The following TXNL4A variants were observed in gnomAD, a reference collection of about 807,000 sequenced individuals.
TXNL4A encodes the protein thioredoxin like 4A, also known as thioredoxin-like protein 4A.
TXNL4A carries 17 observed loss-of-function variants against 14.6 expected under a neutral mutation model. The observed-to-expected ratio is 1.16, with a 90% CI of 0.80 to 1.74. The LOEUF is 1.74. Ranked by LOEUF, TXNL4A falls within the 40% of genes most tolerant of loss-of-function variation. The pLI is 0.00. For missense variants in TXNL4A, 74 were observed against 195.2 expected (o/e 0.38, Z 3.70); for synonymous variants, 83 against 70.6 (o/e 1.18, Z -0.88).
chr18:80,015,175 T>C (rs2051798749), intron 1 of TXNL4A, among the ~76,000 whole-genome samples: 1 of 148,330 alleles, frequency 6.7e-6, no homozygotes, highest in Admixed American at 6.7e-5. Flanking sequence ...GGAGACATTT[T>C]CCCCATTGTC....
intron 1 of TXNL4A, among the ~76,000 whole-genome samples, chr18:80,021,214 T>C (rs1206227216): frequency 6.6e-6 from 1 of 151,884 alleles, no homozygotes; most frequent in African/African-American, 2.4e-5. Flanking sequence ...TCTTGCTCTG[T>C]TGCCCAGGCT....
chr18:79,986,454 C>G (rs190005186), intron 1 of TXNL4A: 1 of 639,726 alleles, frequency 1.6e-6, no homozygotes, highest in African/African-American at 2.0e-5. Context: ...AAAAAAATAC[C>G]CCAAAGTGAG....
intron 1 of TXNL4A, among the ~76,000 whole-genome samples, chr18:80,024,876 G>C (rs558841117): frequency 6.6e-6 from 1 of 152,146 alleles, no homozygotes; most frequent in Non-Finnish European, 1.5e-5. Flanking sequence ...TTTTGGGTCC[G>C]ACATATGTCC....
intron 1 of TXNL4A, among the ~76,000 whole-genome samples, chr18:80,003,932 A>G (rs554993559): frequency 1.3e-5 from 2 of 152,020 alleles, no homozygotes; most frequent in African/African-American, 4.8e-5. Flanking sequence ...GGGGAAAACC[A>G]CCCCCACGAT....
chr18:79,977,873 A>G, intron 1 of TXNL4A, 172 bp from the exon 2 acceptor site: 1 of 593,318 alleles, frequency 1.7e-6, no homozygotes, highest in Non-Finnish European at 3.0e-6. Context: ...TGGTGCAATC[A>G]GCTCACTGCA....
chr18:80,023,441 T>C (rs1467192700), intron 1 of TXNL4A, among the ~76,000 whole-genome samples: 1 of 151,824 alleles, frequency 6.6e-6, no homozygotes, highest in Non-Finnish European at 1.5e-5. Context: ...GTAAAAACTC[T>C]GACTCCAAAT....
chr18:80,003,032 C>T (rs1030438958), intron 1 of TXNL4A, among the ~76,000 whole-genome samples: 1 of 152,240 alleles, frequency 6.6e-6, no homozygotes, highest in Admixed American at 6.5e-5. Flanking sequence ...GGCCTGTTGT[C>T]CAGTTGGTCA....
intron 1 of TXNL4A, among the ~76,000 whole-genome samples, chr18:80,005,560 A>G (rs773925044): frequency 1.2e-4 from 18 of 152,234 alleles, no homozygotes; most frequent in Non-Finnish European, 1.9e-4. Context: ...GAATATGGAA[A>G]ATAGTTTTCC....
upstream of TXNL4A, among the ~76,000 whole-genome samples, chr18:79,993,211 T>A (rs1487829824): frequency 1.3e-5 from 2 of 152,172 alleles, no homozygotes; most frequent in Non-Finnish European, 2.9e-5. The surrounding 1 kb of genome is among the most constrained non-coding windows in gnomAD (Gnocchi z 4.4). Context: ...CTGGGCACCT[T>A]GTAGCCTAAA....
In TXNL4A at chr18:79,972,590, AAGT is replaced by A. The variant is rs2051314614; in HGVS notation, c.*1092_*1094del. The A allele has an allele frequency of 6.6e-6, 1 of 152,274 alleles. No homozygotes were observed. The highest frequency in any genetic ancestry group is 1.9e-4 in the East Asian group (1 of 5,206). 9.4% of individuals were successfully genotyped at this position (152,274 alleles called of 1,614,324 possible). A position where few individuals can be genotyped will look rare whatever the true frequency, so the allele number is the denominator to read the frequency against. On this transcript the variant is annotated 3_prime_UTR_variant, in exon 3 of 3. Coordinates refer to ENST00000269601, the MANE Select transcript of TXNL4A (RefSeq NM_006701.5). The stretch of plus-strand genomic sequence containing the variant: ...AGCAATTCTCCTGCCTCAGCCTTCC[AAGT>A]AGCTGGGATTACAGGCACGCGCCAC...
chr18:79,986,022 T>C (rs2145083183), intron 1 of TXNL4A, among the ~76,000 whole-genome samples: 1 of 150,786 alleles, frequency 6.6e-6, no homozygotes, highest in South Asian at 2.1e-4. Flanking sequence ...AATATTCTTT[T>C]AATGCATTTC....
At chr18:79,995,143 T>C (rs2051652556) in intron 1 of TXNL4A, 1 of 152,230 alleles carries the variant, frequency 6.6e-6, no homozygotes, top group South Asian at 2.1e-4. Flanking sequence ...AAAGATCCAA[T>C]TGGGTTTGCT....
chr18:80,013,742 C>G (rs1442828062), intron 1 of TXNL4A, among the ~76,000 whole-genome samples: 1 of 152,212 alleles, frequency 6.6e-6, no homozygotes, highest in South Asian at 2.1e-4. Flanking sequence ...TTGCACCCAG[C>G]CTACTTCTGT....
chr18:80,025,905 A>G (rs2051881346), intron 1 of TXNL4A, among the ~76,000 whole-genome samples: 1 of 152,254 alleles, frequency 6.6e-6, no homozygotes, highest in Non-Finnish European at 1.5e-5. Context: ...CACAGGAGCA[A>G]GCAATGACTG....
chr18:79,988,630 C>T (rs994100828), upstream of TXNL4A: 8 of 354,742 alleles, frequency 2.3e-5, no homozygotes, highest in African/African-American at 1.7e-4. Context: ...TGCGTGCTGA[C>T]GGCATGTGCG....
chr18:80,029,577 T>G (rs2145132541), intron 1 of TXNL4A, among the ~76,000 whole-genome samples: 1 of 152,350 alleles, frequency 6.6e-6, no homozygotes, highest in Non-Finnish European at 1.5e-5. Flanking sequence ...GGCCAGGTTA[T>G]TCAAAATATT....
intron 1 of TXNL4A, among the ~76,000 whole-genome samples, chr18:80,008,141 T>TA (rs1037815292): frequency 2.6e-5 from 4 of 151,402 alleles, no homozygotes; most frequent in Admixed American, 2.0e-4. Flanking sequence ...GATGGAGTCT[T>TA]AAAAAAAAAT....
chr18:79,977,498 C>A, intron 2 of TXNL4A, 100 bp downstream of exon 2: 2 of 1,047,910 alleles, frequency 1.9e-6, no homozygotes, highest in Non-Finnish European at 2.9e-6. Flanking sequence ...GACTGTACAA[C>A]CAACTTCCTT....
intron 1 of TXNL4A, among the ~76,000 whole-genome samples, chr18:80,012,066 C>T (rs1260594635): frequency 6.6e-6 from 1 of 152,132 alleles, no homozygotes. Context: ...CTTTTAAACT[C>T]TTACTCTGTC....
Sources: allele counts gnomAD v4.1 joint callset (sites outside exome capture counted in the v4.1 genomes callset), GRCh38; gene constraint gnomAD v4.1.1; non-coding constraint Gnocchi (gnomAD v3.1); transcripts MANE v1.5; gene names NCBI Gene and HGNC (gene_info 2026-07-23, HGNC 2026-07-21).